KANK1: variants seen among roughly 807,000 people sequenced by gnomAD.
KANK1 encodes the protein KN motif and ankyrin repeat domain-containing protein 1.
In KANK1, 109 loss-of-function variants were observed where a neutral mutation model predicts 106.2. That is an observed-to-expected ratio of 1.03 (90% CI 0.88 to 1.20). The LOEUF (loss-of-function observed/expected upper bound fraction) is 1.20. Ranked by LOEUF, KANK1 falls within the 50% of genes most tolerant of loss-of-function variation. KANK1 has a pLI of 0.00. For synonymous variants in KANK1, 873 were observed against 652.2 expected, an observed-to-expected ratio of 1.34 and a Z score of -5.16; for missense variants, 2,399 against 1,710.7, an observed-to-expected ratio of 1.40 and a Z score of -7.10.
At chr9:659,016 T>C (rs183422133) in intron 1 of KANK1, among the ~76,000 whole-genome samples, 7 of 152,242 alleles carry the variant, frequency 4.6e-5, no homozygotes, top group African/African-American at 1.2e-4. Flanking sequence ...CCTGTTTTTT[T>C]CTCCTTCGTA....
At chr9:504,373 A>AAGGT (rs2058629628), upstream of KANK1, among the ~76,000 whole-genome samples, 1 of 151,534 alleles carries the variant, frequency 6.6e-6, no homozygotes, top group Admixed American at 6.6e-5. Flanking sequence ...AAGGTGCACG[A>AAGGT]AGGTGCCCCG....
chr9:480,230 A>C (rs2058180456), intron 3 of KANK1, among the ~76,000 whole-genome samples: 1 of 152,206 alleles, frequency 6.6e-6, no homozygotes, highest in South Asian at 2.1e-4. Flanking sequence ...CATATACTCA[A>C]ATTGCAACCT....
intron 1 of KANK1, among the ~76,000 whole-genome samples, chr9:521,874 C>T (rs1334073596): frequency 6.6e-6 from 1 of 151,508 alleles, no homozygotes; most frequent in Non-Finnish European, 1.5e-5. Flanking sequence ...GGCTCAGATT[C>T]TTTTATTGAA....
intron 1 of KANK1, among the ~76,000 whole-genome samples, chr9:604,532 C>T (rs766005303): frequency 2.0e-5 from 3 of 151,726 alleles, no homozygotes; most frequent in African/African-American, 4.9e-5. Context: ...GGCCTTCCAC[C>T]GTGATTATAA....
Position 712,624 on chromosome 9 carries a change from T to C in KANK1, c.1858T>C (p.Leu620=), listed in dbSNP as rs1826476446. ...VNDLTLLKTN[L]NLKEVRSIGC... ...CGACCTCACACTCCTCAAGACAAAC[T>C]TGAATCTCAAAGAAGTGCGGTCTAT... The change falls in exon 3 of 12, where the codon TTG becomes CTG. Residue 620 remains leucine (L), a synonymous_variant. Coordinates refer to ENST00000382297, the MANE Select transcript of KANK1 (RefSeq NM_015158.5). 1 of 1,614,118 alleles carries C rather than the reference T, an allele frequency of 6.2e-7. No homozygotes were observed. The highest frequency in any genetic ancestry group is 1.1e-5 in the South Asian group (1 of 91,070).
At chr9:736,734 G>T (rs1009138862) in intron 7 of KANK1, among the ~76,000 whole-genome samples, 160 of 151,726 alleles carry the variant, frequency 1.1e-3, no homozygotes, top group African/African-American at 3.7e-3. Context: ...GGGAAACATA[G>T]AACTACATAT....
At chr9:570,458 C>T (rs992538817) in intron 1 of KANK1, among the ~76,000 whole-genome samples, 6 of 152,140 alleles carry the variant, frequency 3.9e-5, no homozygotes, top group African/African-American at 1.4e-4. Context: ...GACACAGGTC[C>T]CTAGAAGCCT....
chr9:683,742 A>C (rs1055191788), intron 2 of KANK1, among the ~76,000 whole-genome samples: 3 of 152,206 alleles, frequency 2.0e-5, no homozygotes, highest in African/African-American at 7.2e-5. Context: ...GATTATTTCA[A>C]ATTAATAAAC....
chr9:687,516 A>G (rs1462783858), intron 2 of KANK1, among the ~76,000 whole-genome samples: 2 of 152,140 alleles, frequency 1.3e-5, no homozygotes, highest in African/African-American at 4.8e-5. Flanking sequence ...GAGGTCCATG[A>G]CTACAGGTAC....
At chr9:609,744 C>G (rs1006874439) in intron 1 of KANK1, among the ~76,000 whole-genome samples, 1 of 152,050 alleles carries the variant, frequency 6.6e-6, no homozygotes, top group Non-Finnish European at 1.5e-5. Context: ...AAAGTTAATT[C>G]TAAATAAAGG....
intron 1 of KANK1, among the ~76,000 whole-genome samples, chr9:505,474 C>T (rs917826374): frequency 6.6e-6 from 1 of 152,198 alleles, no homozygotes; most frequent in South Asian, 2.1e-4. Flanking sequence ...GCGGGCTGGT[C>T]CCCGAATGTT....
At chr9:487,431 T>A (rs1229518423) in intron 3 of KANK1, among the ~76,000 whole-genome samples, 1 of 152,202 alleles carries the variant, frequency 6.6e-6, no homozygotes, top group African/African-American at 2.4e-5. Flanking sequence ...TAAGCTATGA[T>A]GTTTGGTAGG....
intron 1 of KANK1, among the ~76,000 whole-genome samples, chr9:567,150 T>G (rs1818009655): frequency 6.6e-6 from 1 of 152,166 alleles, no homozygotes; most frequent in Non-Finnish European, 1.5e-5. Context: ...ATCAGATAGT[T>G]GTAGGTATGC....
At chr9:584,076 T>A (rs1232170790) in intron 1 of KANK1, among the ~76,000 whole-genome samples, 1 of 152,130 alleles carries the variant, frequency 6.6e-6, no homozygotes, top group Non-Finnish European at 1.5e-5. Flanking sequence ...TACTTGATGG[T>A]ATAGTGAAGG....
intron 1 of KANK1, among the ~76,000 whole-genome samples, chr9:625,807 G>A (rs1326607655): frequency 6.6e-6 from 1 of 152,136 alleles, no homozygotes; most frequent in Non-Finnish European, 1.5e-5. Flanking sequence ...GTTGCACTGT[G>A]TACTTAAAGT....
chr9:683,437 A>G (rs1817959488), intron 2 of KANK1, among the ~76,000 whole-genome samples: 1 of 152,214 alleles, frequency 6.6e-6, no homozygotes. Context: ...TTTCCATTTC[A>G]GTTGTCCAGC....
intron 1 of KANK1, among the ~76,000 whole-genome samples, chr9:556,478 T>C (rs1015641309): frequency 1.3e-5 from 2 of 152,204 alleles, no homozygotes; most frequent in African/African-American, 2.4e-5. Context: ...TTTAAACTTA[T>C]AATTATTAAA....
At chr9:536,906 C>G (rs1289177937) in intron 1 of KANK1, among the ~76,000 whole-genome samples, 2 of 152,146 alleles carry the variant, frequency 1.3e-5, no homozygotes, top group Non-Finnish European at 2.9e-5. Flanking sequence ...GGTTTCTAAT[C>G]AAGCATTTTA....
At chr9:636,470 G>A (rs1837162359) in intron 1 of KANK1, among the ~76,000 whole-genome samples, 1 of 152,034 alleles carries the variant, frequency 6.6e-6, no homozygotes, top group African/African-American at 2.4e-5. Flanking sequence ...CAGCATTCAG[G>A]ACAATATTAA....
Sources: allele counts gnomAD v4.1 joint callset (sites outside exome capture counted in the v4.1 genomes callset), GRCh38; gene constraint gnomAD v4.1.1; transcripts MANE v1.5; gene names NCBI Gene and HGNC (gene_info 2026-07-23, HGNC 2026-07-21).